PITPNA: variants seen among roughly 807,000 people sequenced by gnomAD.
PITPNA encodes phosphatidylinositol transfer protein alpha, also known as phosphatidylinositol transfer protein alpha isoform.
A neutral mutation model predicts 50.3 loss-of-function variants in PITPNA; 13 were observed. The observed-to-expected ratio is 0.26, with a 90% CI of 0.17 to 0.41. PITPNA has a LOEUF of 0.41. Ranked by LOEUF, PITPNA falls within the 10% of genes least tolerant of loss-of-function variation. The pLI, the probability that PITPNA is intolerant of heterozygous loss-of-function variation, is 1.00. For synonymous variants in PITPNA, 120 were observed against 119.6 expected (o/e 1.00, Z -0.02); for missense variants, 207 against 333.4 (o/e 0.62, Z 2.95).
At chr17:1,521,228 GC>G (rs1330045773) in intron 11 of PITPNA, among the ~76,000 whole-genome samples, 1 of 152,216 alleles carries the variant, frequency 6.6e-6, no homozygotes, top group Non-Finnish European at 1.5e-5. Flanking sequence ...GCTTTTGGGA[GC>G]TGGCGCTGGC....
At position 1,543,042 on chromosome 17, in the gene PITPNA, G is replaced by T; in HGVS notation, c.290-15C>A. 6.3e-7 allele frequency: 1 copy of T among 1,578,908 alleles called. No homozygotes were observed. The highest frequency in any genetic ancestry group is 8.6e-7 in the Non-Finnish European group (1 of 1,165,100). Reference sequence around the variant, plus strand: ...TACTGTAATAACTGCTCCGAGGCAAGGACATGGAAAGAAGAGAGAAAAAGA... The same window carrying T: ...TACTGTAATAACTGCTCCGAGGCAATGACATGGAAAGAAGAGAGAAAAAGA... On this transcript the variant is annotated splice_polypyrimidine_tract_variant and intron_variant, in intron 4 of 11. Coordinates refer to ENST00000313486, the MANE Select transcript of PITPNA (RefSeq NM_006224.4).
chr17:1,551,688 A>G (rs1048453784), intron 3 of PITPNA, among the ~76,000 whole-genome samples: 1 of 152,242 alleles, frequency 6.6e-6, no homozygotes, highest in Non-Finnish European at 1.5e-5. Context: ...TCTACCTAAA[A>G]TACCAACTTC....
intron 10 of PITPNA, among the ~76,000 whole-genome samples, chr17:1,525,714 C>G (rs1002015713): frequency 6.6e-6 from 1 of 152,072 alleles, no homozygotes; most frequent in East Asian, 1.9e-4. Flanking sequence ...GACGAGGTTT[C>G]TCCATGTTGG....
intron 3 of PITPNA, among the ~76,000 whole-genome samples, chr17:1,551,288 C>CTT (rs1215788872): frequency 2.8e-5 from 4 of 142,836 alleles, no homozygotes; most frequent in Non-Finnish European, 3.1e-5. Flanking sequence ...TCTTTTTTTT[C>CTT]TTTTTTTTTT....
rs2151016442 is a variant in PITPNA at position 1,562,220 on chromosome 17, C to T, written c.20+321G>A. Among the ~76,000 whole-genome samples, 1 of 152,148 alleles carries T rather than the reference C, an allele frequency of 6.6e-6. No individual in the cohort carries two copies. On this transcript the variant is annotated intron_variant, in intron 1 of 11. Transcript: ENST00000313486. This position sits in a 1 kb window ranked among gnomAD's most constrained non-coding sequence, Gnocchi z 6.4. ...TGAGGAGCCGTCCGCCCGGGTTGTC[C>T]CTCCGTGCCCGTGGGCCCCTCCATG...
chr17:1,559,690 T>A, intron 1 of PITPNA: 1 of 822,996 alleles, frequency 1.2e-6, no homozygotes, highest in Non-Finnish European at 1.5e-6. Context: ...AAACAGCTAT[T>A]TTCTAGTTCC....
At chr17:1,528,429 C>T (rs1176584423) in intron 10 of PITPNA, among the ~76,000 whole-genome samples, 1 of 152,092 alleles carries the variant, frequency 6.6e-6, no homozygotes, top group Non-Finnish European at 1.5e-5. Context: ...GGCTTTTGAG[C>T]CACCGTGCCT....
At chr17:1,556,067 G>A (rs1431061024) in intron 2 of PITPNA, among the ~76,000 whole-genome samples, 1 of 152,224 alleles carries the variant, frequency 6.6e-6, no homozygotes, top group Non-Finnish European at 1.5e-5. Context: ...GTCACAAGAT[G>A]CTGAGCTGTT....
chr17:1,556,829 G>C (rs1319154278), intron 2 of PITPNA, among the ~76,000 whole-genome samples: 1 of 152,182 alleles, frequency 6.6e-6, no homozygotes, highest in East Asian at 1.9e-4. Flanking sequence ...CAGGCTGGGT[G>C]AAGTGGTTGA....
At chr17:1,547,214 A>C (rs1166926599) in intron 4 of PITPNA, among the ~76,000 whole-genome samples, 1 of 151,300 alleles carries the variant, frequency 6.6e-6, no homozygotes, top group African/African-American at 2.4e-5. Context: ...AAAAAAAAAA[A>C]ACCTAGCCGG....
rs537488853 is a variant in PITPNA at position 1,534,362 on chromosome 17, C to G, written c.646-141G>C. The G allele has an allele frequency of 2.2e-5, 21 of 942,724 alleles. No homozygotes were observed. In the East Asian group the frequency reaches 5.1e-4, roughly 23 times the overall value. 58.4% of individuals were successfully genotyped at this position (942,724 alleles called of 1,614,324 possible). A position where few individuals can be genotyped will look rare whatever the true frequency, so the allele number is the denominator to read the frequency against. ...GGAGGAGTAATGCCCGGCTGGTTATCTGGACCAGCCATGGGTCAATGACCT... is the reference window on the plus strand; with the variant it reads ...GGAGGAGTAATGCCCGGCTGGTTATGTGGACCAGCCATGGGTCAATGACCT... On this transcript the variant is annotated intron_variant, in intron 9 of 11. Coordinates refer to ENST00000313486, the MANE Select transcript of PITPNA (RefSeq NM_006224.4).
chr17:1,528,597 G>C (rs1324812668), intron 10 of PITPNA, among the ~76,000 whole-genome samples: 3 of 152,058 alleles, frequency 2.0e-5, no homozygotes, highest in South Asian at 4.1e-4. Flanking sequence ...AATTAGTCAG[G>C]TGTAGTGGTG....
intron 3 of PITPNA, among the ~76,000 whole-genome samples, chr17:1,551,080 A>G (rs61416281): frequency 4.9e-5 from 6 of 123,034 alleles, no homozygotes; most frequent in Non-Finnish European, 7.6e-5. Context: ...AGTCAGCGGG[A>G]CCTGATGGGA....
At chr17:1,559,020 A>T (rs1413642719) in intron 1 of PITPNA, among the ~76,000 whole-genome samples, 7 of 152,102 alleles carry the variant, frequency 4.6e-5, no homozygotes, top group Non-Finnish European at 7.4e-5. Flanking sequence ...TTAACACAGG[A>T]GGACCTATCA....
chr17:1,551,808 C>G (rs377273630), intron 3 of PITPNA, among the ~76,000 whole-genome samples: 2 of 152,240 alleles, frequency 1.3e-5, no homozygotes, highest in East Asian at 3.8e-4. Context: ...GGTGAGGTTC[C>G]TCCCCGCTGG....
At chr17:1,553,204 C>T (rs772623231) in intron 2 of PITPNA, 55 bp from the exon 3 acceptor site, 13 of 1,587,480 alleles carry the variant, frequency 8.2e-6, no homozygotes, top group South Asian at 2.2e-5. Context: ...AACGGTTACA[C>T]GTAATCCAGC....
chr17:1,522,370 C>T (rs569180438), intron 10 of PITPNA, among the ~76,000 whole-genome samples: 7 of 151,872 alleles, frequency 4.6e-5, no homozygotes, highest in Admixed American at 1.3e-4. Context: ...CGCGCCTGGC[C>T]GAAACATCTT....
intron 3 of PITPNA, among the ~76,000 whole-genome samples, chr17:1,549,957 G>T (rs895154910): frequency 2.2e-4 from 34 of 152,214 alleles, no homozygotes; most frequent in Non-Finnish European, 3.8e-4. Flanking sequence ...TTACAGGCGT[G>T]AGCCACCGCG....
At chr17:1,529,777 T>C (rs2075570300) in intron 10 of PITPNA, among the ~76,000 whole-genome samples, 1 of 151,628 alleles carries the variant, frequency 6.6e-6, no homozygotes, top group Non-Finnish European at 1.5e-5. Context: ...ATTGCTTGAA[T>C]TGGGGAGTTG....
Sources: gnomAD v4.1 joint callset for allele counts (sites outside exome capture counted in the v4.1 genomes callset) on GRCh38, gnomAD v4.1.1 for gene constraint, Gnocchi (gnomAD v3.1) non-coding constraint, MANE v1.5 for transcripts, NCBI Gene and HGNC (gene_info 2026-07-23, HGNC 2026-07-21) for gene names.